The following MAGI2 variants were observed in gnomAD, a reference collection of about 807,000 sequenced individuals.
MAGI2 encodes the protein membrane-associated guanylate kinase, WW and PDZ domain-containing protein 2.
A neutral mutation model predicts 133.3 loss-of-function variants in MAGI2; 35 were observed. The observed-to-expected ratio is 0.26, with a 90% CI of 0.20 to 0.35. MAGI2 has a LOEUF of 0.35. MAGI2 is among the 10% of genes least tolerant of loss of function. The pLI is 1.00. For missense variants in MAGI2, 1,636 were observed against 1,863.4 expected (o/e 0.88, Z 2.25); for synonymous variants, 729 against 710.6 (o/e 1.03, Z -0.41).
intron 1 of MAGI2, among the ~76,000 whole-genome samples, chr7:79,188,246 C>T (rs544880234): frequency 6.6e-5 from 10 of 151,844 alleles, no homozygotes; most frequent in Admixed American, 5.3e-4. Context: ...CATGCATTAG[C>T]TAATTTTCCT....
chr7:78,871,697 G>A (rs1031235233), intron 2 of MAGI2, among the ~76,000 whole-genome samples: 3 of 151,950 alleles, frequency 2.0e-5, no homozygotes, highest in African/African-American at 7.2e-5. Context: ...CCTAACTTAC[G>A]TAAGAGAGAA....
chr7:78,892,634 T>C (rs541147310), intron 2 of MAGI2, among the ~76,000 whole-genome samples: 15 of 152,336 alleles, frequency 9.8e-5, no homozygotes, highest in African/African-American at 3.1e-4. Flanking sequence ...GGGGAAAGGA[T>C]TCCCTATTTA....
intron 10 of MAGI2, among the ~76,000 whole-genome samples, chr7:78,203,180 TG>T (rs1829428636): frequency 6.6e-6 from 1 of 152,238 alleles, no homozygotes; most frequent in Admixed American, 6.5e-5. Context: ...ACTTTCTTTG[TG>T]TCATCACCTT....
At chr7:78,771,344 G>A (rs968985596) in intron 2 of MAGI2, 2 of 152,176 alleles carry the variant, frequency 1.3e-5, no homozygotes, top group African/African-American at 4.8e-5. Flanking sequence ...GGGAAAGGGA[G>A]GGGGGCGGCT....
chr7:78,055,893 G>A lies in MAGI2; in HGVS notation c.3706+23054C>T, dbSNP rs553555557. On this transcript the variant is annotated intron_variant, in intron 21 of 21. Coordinates refer to ENST00000354212, the MANE Select transcript of MAGI2 (RefSeq NM_012301.4). ...GGGGCAATCCTCTGAAGTAACCTCCGCTGAAGGCTTAGGGCTGCTGGAGCT... is the reference window on the plus strand; with the variant it reads ...GGGGCAATCCTCTGAAGTAACCTCCACTGAAGGCTTAGGGCTGCTGGAGCT... Among the ~76,000 whole-genome samples the A allele has an allele frequency of 2.4e-4, 37 of 152,268 alleles. 1 individual carries two copies. The highest frequency in any genetic ancestry group is 6.0e-4 in the African/African-American group (25 of 41,550).
intron 2 of MAGI2, among the ~76,000 whole-genome samples, chr7:78,762,679 A>C (rs1452016292): frequency 6.6e-6 from 1 of 152,242 alleles, no homozygotes. Context: ...GTTTTGGGAA[A>C]GTATAGCTAG....
At chr7:79,263,593 C>G (rs1387279091) in intron 1 of MAGI2, among the ~76,000 whole-genome samples, 1 of 152,150 alleles carries the variant, frequency 6.6e-6, no homozygotes, top group Non-Finnish European at 1.5e-5. Flanking sequence ...TGTGTTATCA[C>G]TTCAATATAT....
chr7:78,529,115 T>C (rs188641576), intron 3 of MAGI2, among the ~76,000 whole-genome samples: 5 of 152,332 alleles, frequency 3.3e-5, no homozygotes, highest in Admixed American at 2.0e-4. Flanking sequence ...GAATTTACTG[T>C]CTTTATTATT....
chr7:78,949,461 G>A (rs1801695291), intron 2 of MAGI2, among the ~76,000 whole-genome samples: 1 of 152,068 alleles, frequency 6.6e-6, no homozygotes, highest in African/African-American at 2.4e-5. Context: ...AACAAAACCA[G>A]AGTGATATCT....
intron 1 of MAGI2, among the ~76,000 whole-genome samples, chr7:79,178,390 A>T (rs1435585559): frequency 3.3e-5 from 5 of 152,002 alleles, no homozygotes; most frequent in Non-Finnish European, 7.4e-5. Flanking sequence ...CCTATGAAAG[A>T]GTGGAAAATA....
intron 1 of MAGI2, among the ~76,000 whole-genome samples, chr7:79,069,190 A>G (rs560113738): frequency 6.6e-6 from 1 of 152,184 alleles, no homozygotes; most frequent in African/African-American, 2.4e-5. Context: ...TCCAGTGTGG[A>G]CAGTGGGGTG....
At chr7:79,024,880 A>C (rs1809712651) in intron 1 of MAGI2, among the ~76,000 whole-genome samples, 1 of 152,084 alleles carries the variant, frequency 6.6e-6, no homozygotes, top group South Asian at 2.1e-4. Flanking sequence ...TGTGGAGAAA[A>C]GGGAACACTT....
At chr7:78,474,035 T>G (rs1791493710) in intron 6 of MAGI2, among the ~76,000 whole-genome samples, 1 of 152,002 alleles carries the variant, frequency 6.6e-6, no homozygotes, top group African/African-American at 2.4e-5. Flanking sequence ...CTGACATATA[T>G]CAGGTTACAT....
intron 1 of MAGI2, among the ~76,000 whole-genome samples, chr7:79,343,023 C>T (rs920391506): frequency 3.9e-5 from 6 of 152,118 alleles, no homozygotes; most frequent in Non-Finnish European, 8.8e-5. Context: ...CTCGGCCTCC[C>T]AAAGTGCTGG....
chr7:78,541,204 T>A (rs1464231122), intron 3 of MAGI2, among the ~76,000 whole-genome samples: 3 of 152,192 alleles, frequency 2.0e-5, no homozygotes, highest in African/African-American at 7.2e-5. Context: ...ATTTTTTTTT[T>A]AAACATTACA....
At chr7:78,263,439 T>C (rs1315655790) in intron 9 of MAGI2, among the ~76,000 whole-genome samples, 1 of 152,150 alleles carries the variant, frequency 6.6e-6, no homozygotes, top group Non-Finnish European at 1.5e-5. Context: ...ACTTCTGCAA[T>C]AGTCTCTTAG....
chr7:79,245,415 G>A (rs770824893), intron 1 of MAGI2, among the ~76,000 whole-genome samples: 11 of 152,254 alleles, frequency 7.2e-5, no homozygotes, highest in African/African-American at 1.2e-4. Flanking sequence ...TGAAGGGGGC[G>A]TTCTAGGCCT....
At chr7:78,300,349 T>G (rs1487230328) in intron 9 of MAGI2, among the ~76,000 whole-genome samples, 2 of 152,196 alleles carry the variant, frequency 1.3e-5, no homozygotes, top group African/African-American at 4.8e-5. Context: ...TTTAAAAGCA[T>G]TATTCTGAGA....
At chr7:78,270,546 T>C (rs924386176) in intron 9 of MAGI2, among the ~76,000 whole-genome samples, 3 of 152,200 alleles carry the variant, frequency 2.0e-5, no homozygotes, top group Non-Finnish European at 4.4e-5. Flanking sequence ...ATTTCACTCA[T>C]GACTTGGCTC....
Sources: allele counts gnomAD v4.1 joint callset (sites outside exome capture counted in the v4.1 genomes callset), GRCh38; gene constraint gnomAD v4.1.1; transcripts MANE v1.5; gene names NCBI Gene and HGNC (gene_info 2026-07-23, HGNC 2026-07-21).